DNAAF10: variants seen among roughly 807,000 people sequenced by gnomAD.
DNAAF10 encodes WD repeat domain 92.
DNAAF10 carries 28 observed loss-of-function variants against 43.7 expected under a neutral mutation model. The ratio of observed to expected loss-of-function variants is 0.64; its 90% CI spans 0.48 to 0.88. The LOEUF is 0.88. DNAAF10 is among the 40% of genes least tolerant of loss of function. The pLI, the probability that DNAAF10 is intolerant of heterozygous loss-of-function variation, is 0.00. For missense variants in DNAAF10, 403 were observed against 439.1 expected (o/e 0.92, Z 0.73); for synonymous variants, 156 against 157.3 (o/e 0.99, Z 0.06).
At chr2:68,153,074 T>C (rs2103638688) in intron 1 of DNAAF10, among the ~76,000 whole-genome samples, 1 of 152,324 alleles carries the variant, frequency 6.6e-6, no homozygotes, top group African/African-American at 2.4e-5. Flanking sequence ...GAGAAAAAAG[T>C]TGCCTTTTAT....
At chr2:68,139,597 AAC>A (rs1462998141) in intron 4 of DNAAF10, among the ~76,000 whole-genome samples, 2 of 151,436 alleles carry the variant, frequency 1.3e-5, no homozygotes, top group African/African-American at 4.9e-5. Context: ...CATCCTGGCT[AAC>A]ACAGTGAAAC....
intron 5 of DNAAF10, 124 bp downstream of exon 5, chr2:68,138,618 G>T: frequency 1.4e-6 from 1 of 720,444 alleles, no homozygotes; most frequent in Non-Finnish European, 2.4e-6. Flanking sequence ...GCCTCAAAAA[G>T]TTAAGAACCG....
At chr2:68,146,226 C>G (rs368076779) in intron 2 of DNAAF10, among the ~76,000 whole-genome samples, 1 of 152,172 alleles carries the variant, frequency 6.6e-6, no homozygotes, top group Non-Finnish European at 1.5e-5. Context: ...CGCATCACTA[C>G]ACTCCAGCCT....
intron 1 of DNAAF10, among the ~76,000 whole-genome samples, 166 bp from the exon 2 acceptor site, chr2:68,147,733 T>G (rs138553539): frequency 6.6e-6 from 1 of 152,360 alleles, no homozygotes; most frequent in East Asian, 1.9e-4. Context: ...TTACTCATTT[T>G]TCTTTAAAAT....
In DNAAF10 at chr2:68,141,739, G is replaced by T; in HGVS notation, c.472C>A (p.Pro158Thr). Residue 158 changes from proline (P) to threonine (T), a missense_variant, in exon 4 of 8, where the codon CCT becomes ACT. Pro to Thr is a conservative substitution (Grantham distance 38). Transcript: ENST00000295121. ...TCTCTCTTGTTTTCTCCTTGTACAG[G>T]TTCCATATTAGCAACAGGATCATCT... Reference protein sequence around the residue: ...QKDDPVANMEPVQGENKRDCW... With the variant: ...QKDDPVANMETVQGENKRDCW... 6.2e-7 allele frequency: 1 copy of T among 1,614,080 alleles called. No individual in the cohort carries two copies. Among genetic ancestry groups the T allele is most frequent in the Non-Finnish European group, 8.5e-7 (1 of 1,179,992 alleles).
intron 4 of DNAAF10, among the ~76,000 whole-genome samples, chr2:68,140,876 T>A (rs542604277): frequency 6.6e-6 from 1 of 152,238 alleles, no homozygotes; most frequent in Non-Finnish European, 1.5e-5. Flanking sequence ...AGACTTCTTG[T>A]GCTTGTCATT....
intron 7 of DNAAF10, chr2:68,134,462 A>G: frequency 1.6e-6 from 2 of 1,282,842 alleles, no homozygotes; most frequent in Non-Finnish European, 2.0e-6. Context: ...TCATACTTAG[A>G]AGACACAACT....
At chr2:68,134,364 G>C (rs1054867) in intron 7 of DNAAF10, 89 of 1,073,242 alleles carry the variant, frequency 8.3e-5, no homozygotes, top group Admixed American at 2.8e-4. Context: ...CTAAATTTAG[G>C]CAAGGAACCC....
intron 7 of DNAAF10, among the ~76,000 whole-genome samples, chr2:68,132,443 A>G (rs954060901): frequency 2.0e-5 from 3 of 152,252 alleles, no homozygotes; most frequent in South Asian, 2.1e-4. Flanking sequence ...CACCTTTCAC[A>G]TATCTCTTGG....
Position 68,134,950 on chromosome 2 carries a change from T to TA in DNAAF10, c.769-152dup, listed in dbSNP as rs1673005327. On this transcript the variant is annotated intron_variant, in intron 6 of 7. Transcript: ENST00000295121. ...CTGGCACATCTCTTTATAATGGCTA[T>TA]AGAGATTTATAGGAACACATAAGAA... 1.0e-5 allele frequency: 8 copies of TA among 784,998 alleles called. No homozygotes were observed. In the South Asian group the frequency reaches 1.5e-4, roughly 15 times the overall value. 48.6% of individuals were successfully genotyped at this position (784,998 alleles called of 1,614,324 possible).
intron 1 of DNAAF10, among the ~76,000 whole-genome samples, chr2:68,153,501 C>A (rs1673506212): frequency 6.6e-6 from 1 of 151,970 alleles, no homozygotes; most frequent in African/African-American, 2.4e-5. Context: ...TTAAAATCAC[C>A]TTGCGGAAGT....
At chr2:68,136,958 T>C (rs1158448240) in intron 6 of DNAAF10, among the ~76,000 whole-genome samples, 1 of 152,184 alleles carries the variant, frequency 6.6e-6, no homozygotes, top group African/African-American at 2.4e-5. Context: ...TTGAAAAATA[T>C]ATAACCAGGT....
rs377755846 is a variant in DNAAF10, at chr2:68,131,473, C to T, written c.867-28G>A. 1,074 of 1,603,712 alleles carry T rather than the reference C, an allele frequency of 6.7e-4. 16 individuals carry two copies. In the South Asian group the frequency reaches 0.011, roughly 16 times the overall value. ...GAAAACAAGATCAAAATGGTAAGAG[C>T]GCATAAATCTTAGCTTTCACCATTT... On this transcript the variant is annotated intron_variant, in intron 7 of 7. Transcript: ENST00000295121.
chr2:68,135,058 T>C (rs1422682488), intron 6 of DNAAF10, among the ~76,000 whole-genome samples: 1 of 152,198 alleles, frequency 6.6e-6, no homozygotes, highest in African/African-American at 2.4e-5. Context: ...TTAAAATCCA[T>C]TTAAGTTTAT....
At chr2:68,134,657 C>T (rs768739429) in intron 7 of DNAAF10, 45 bp downstream of exon 7, 2 of 1,590,910 alleles carry the variant, frequency 1.3e-6, no homozygotes, top group Admixed American at 1.9e-5. Flanking sequence ...CTACTTTACA[C>T]CCACAGGTAA....
At chr2:68,141,460 T>C (rs1457984428) in intron 4 of DNAAF10, among the ~76,000 whole-genome samples, 1 of 152,206 alleles carries the variant, frequency 6.6e-6, no homozygotes, top group African/African-American at 2.4e-5. Context: ...AAATGAAACA[T>C]CCAAGGAACA....
intron 4 of DNAAF10, among the ~76,000 whole-genome samples, 195 bp from the exon 5 acceptor site, chr2:68,139,052 G>A (rs1673113543): frequency 6.6e-6 from 1 of 152,054 alleles, no homozygotes; most frequent in Admixed American, 6.6e-5. Flanking sequence ...TTTTTGTTTT[G>A]TTTAAATTTC....
At chr2:68,153,464 C>G (rs1572928704) in intron 1 of DNAAF10, among the ~76,000 whole-genome samples, 1 of 151,760 alleles carries the variant, frequency 6.6e-6, no homozygotes, top group Admixed American at 6.6e-5. Context: ...ACCCATCTAG[C>G]TCAATGGTTC....
intron 3 of DNAAF10, among the ~76,000 whole-genome samples, chr2:68,143,491 A>T (rs1043164867): frequency 6.6e-6 from 1 of 152,142 alleles, no homozygotes. Flanking sequence ...TAAATTTTTT[A>T]AAAAATCATA....
Sources: allele counts gnomAD v4.1 joint callset (sites outside exome capture counted in the v4.1 genomes callset), GRCh38; gene constraint gnomAD v4.1.1; transcripts MANE v1.5; gene names NCBI Gene and HGNC (gene_info 2026-07-23, HGNC 2026-07-21).